Variants in ARHGAP39 observed in about 807,000 individuals in gnomAD.
ARHGAP39 encodes the protein Rho GTPase activating protein 39.
Under a neutral mutation model 106.9 loss-of-function variants are expected in ARHGAP39, and 44 were observed. The ratio of observed to expected loss-of-function variants is 0.41; its 90% CI spans 0.32 to 0.53. The LOEUF (loss-of-function observed/expected upper bound fraction) is 0.53. Ranked by LOEUF, ARHGAP39 falls within the 20% of genes least tolerant of loss-of-function variation. The pLI, the probability that ARHGAP39 is intolerant of heterozygous loss-of-function variation, is 0.21. For synonymous variants in ARHGAP39, 768 were observed against 693.2 expected (o/e 1.11, Z -1.69); for missense variants, 1,496 against 1,577.3 (o/e 0.95, Z 0.87).
At chr8:144,626,907 G>A (rs1820932547) in intron 1 of ARHGAP39, among the ~76,000 whole-genome samples, 1 of 152,200 alleles carries the variant, frequency 6.6e-6, no homozygotes, top group African/African-American at 2.4e-5. Context: ...CACTGAGGTG[G>A]GACAACAGCC....
At chr8:144,626,551 G>C (rs1820920171) in intron 1 of ARHGAP39, among the ~76,000 whole-genome samples, 1 of 131,898 alleles carries the variant, frequency 7.6e-6, no homozygotes, top group Non-Finnish European at 1.6e-5. Flanking sequence ...TGTCCCGGCG[G>C]CCCCGTTCAC....
At chr8:144,655,945 G>A (rs1821681979) in intron 1 of ARHGAP39, among the ~76,000 whole-genome samples, 1 of 152,066 alleles carries the variant, frequency 6.6e-6, no homozygotes, top group Admixed American at 6.6e-5. Flanking sequence ...AGAAGAAAGG[G>A]AACAGCATAT....
At chr8:144,649,110 C>T (rs577236941) in intron 1 of ARHGAP39, among the ~76,000 whole-genome samples, 92 of 152,180 alleles carry the variant, frequency 6.0e-4, no homozygotes, top group African/African-American at 2.2e-3. Context: ...ACTAGCTAGA[C>T]TAATAAAGAA....
At chr8:144,598,138 T>G (rs1020697217) in intron 2 of ARHGAP39, among the ~76,000 whole-genome samples, 19 of 152,278 alleles carry the variant, frequency 1.2e-4, no homozygotes, top group Non-Finnish European at 1.9e-4. Context: ...CGGCATGGCC[T>G]CGAAGGCTGG....
chr8:144,623,117 G>A (rs752316867), intron 1 of ARHGAP39, among the ~76,000 whole-genome samples: 4 of 152,212 alleles, frequency 2.6e-5, no homozygotes, highest in Non-Finnish European at 4.4e-5. Flanking sequence ...TCTTTGAATC[G>A]TTTGGAGGAG....
At chr8:144,699,693 G>T in the ARHGAP39 span, among the ~76,000 whole-genome samples, 1 of 151,754 alleles carries the variant, frequency 6.6e-6, no homozygotes, top group Non-Finnish European at 1.5e-5. Flanking sequence ...TGCGGGGCTG[G>T]GTGGGCTGGA....
chr8:144,548,457 T>C lies in ARHGAP39; in HGVS notation c.629A>G (p.Lys210Arg). 6.2e-7 allele frequency: 1 copy of C among 1,610,618 alleles called. No homozygotes were observed. Among genetic ancestry groups the C allele is most frequent in the Non-Finnish European group, 8.5e-7 (1 of 1,179,610 alleles). The change falls in exon 5 of 12, where the codon AAA (lysine) becomes AGA (arginine). Residue 210 changes from lysine (K) to arginine (R), a missense_variant. This residue lies in a region of ARHGAP39 where 905 missense variants were observed against 816.4 expected (regional missense o/e 1.11). Coordinates refer to ENST00000377307, the MANE Select transcript of ARHGAP39 (RefSeq NM_025251.3). The surrounding 1 kb of genome is among the most constrained non-coding windows in gnomAD (Gnocchi z 7.4). ...TSSLRWNSGA[K>R]ERMLIKVADR... is the part of the protein sequence containing the mutation. ...AGCGACCTTGATGAGCATGCGCTCT[T>C]TGGCGCCCGAGTTCCACCGCAGCGA...
intron 1 of ARHGAP39, among the ~76,000 whole-genome samples, chr8:144,666,646 G>A (rs752391527): frequency 9.2e-5 from 14 of 152,192 alleles, no homozygotes; most frequent in Non-Finnish European, 1.8e-4. Context: ...CGCCATGTAA[G>A]ATGTGACCTT....
chr8:144,675,101 T>C (rs1021279898), intron 1 of ARHGAP39, among the ~76,000 whole-genome samples: 1 of 152,154 alleles, frequency 6.6e-6, no homozygotes, highest in African/African-American at 2.4e-5. Context: ...CTCCTGCCTG[T>C]TCCCAGTTCC....
chr8:144,673,198 T>C (rs867612338), intron 1 of ARHGAP39, among the ~76,000 whole-genome samples: 4 of 148,500 alleles, frequency 2.7e-5, no homozygotes, highest in Middle Eastern at 3.2e-3. Context: ...GCCTGGGTGA[T>C]AGATTGAGAA....
intron 1 of ARHGAP39, among the ~76,000 whole-genome samples, chr8:144,659,647 C>A (rs1273194272): frequency 6.6e-6 from 1 of 152,166 alleles, no homozygotes; most frequent in East Asian, 1.9e-4. Flanking sequence ...ATCAGAGAAT[C>A]CCAAACAATT....
chr8:144,605,595 T>C lies in ARHGAP39; in HGVS notation c.20A>G (p.Tyr7Cys). 6.8e-6 allele frequency: 11 copies of C among 1,613,598 alleles called. No homozygotes were observed. Among genetic ancestry groups the C allele is most frequent in the Middle Eastern group, 1.6e-4 (1 of 6,062 alleles). The change falls in exon 2 of 12, where the codon TAC becomes TGC. Residue 7 changes from tyrosine to cysteine, a missense_variant. By Grantham distance (194) the Tyr-to-Cys change is radical. Coordinates refer to ENST00000377307, the MANE Select transcript of ARHGAP39 (RefSeq NM_025251.3). ...GTCGACATTATGGCTCCTGCACTCG[T>C]AGTCCTGCGTCTGGGACATCGCTGT... MSQTQD[Y>C]ECRSHNVDLP...
At chr8:144,677,462 A>T (rs1234672294) in intron 1 of ARHGAP39, among the ~76,000 whole-genome samples, 5 of 152,250 alleles carry the variant, frequency 3.3e-5, no homozygotes. Context: ...GTGATTGAAG[A>T]AAGAGATGCT....
chr8:144,602,626 G>A (rs368376658), intron 2 of ARHGAP39, among the ~76,000 whole-genome samples: 5,871 of 118,104 alleles, frequency 0.05, 315 homozygotes, highest in Non-Finnish European at 0.08. Flanking sequence ...CTGTGTGTGC[G>A]TGGAGGCGTG....
intron 7 of ARHGAP39, among the ~76,000 whole-genome samples, chr8:144,536,680 T>G (rs1247399363): frequency 6.6e-6 from 1 of 152,174 alleles, no homozygotes; most frequent in East Asian, 1.9e-4. Flanking sequence ...CAGGGACCCC[T>G]GGCACAGACC....
At chr8:144,650,517 G>C (rs879280456) in intron 1 of ARHGAP39, among the ~76,000 whole-genome samples, 6 of 152,096 alleles carry the variant, frequency 3.9e-5, no homozygotes, top group Non-Finnish European at 5.9e-5. Flanking sequence ...AAAAATACTT[G>C]CAAACTGAAT....
intron 1 of ARHGAP39, among the ~76,000 whole-genome samples, chr8:144,656,666 G>C (rs1373704051): frequency 1.3e-5 from 2 of 152,072 alleles, no homozygotes; most frequent in South Asian, 2.1e-4. Flanking sequence ...AAATTAGTCA[G>C]GCGTGGTGGC....
At chr8:144,595,822 G>C (rs1189578983) in intron 2 of ARHGAP39, among the ~76,000 whole-genome samples, 3 of 152,162 alleles carry the variant, frequency 2.0e-5, no homozygotes, top group Non-Finnish European at 2.9e-5. Context: ...GCTCCTGGCT[G>C]TACAGCCTCT....
Position 144,548,900 on chromosome 8 carries a change from G to A in ARHGAP39, c.597-411C>T, listed in dbSNP as rs1817589817. On this transcript the variant is annotated intron_variant, in intron 4 of 11. Transcript: ENST00000377307. This position sits in a 1 kb window ranked among gnomAD's most constrained non-coding sequence, Gnocchi z 7.4. The stretch of plus-strand genomic sequence containing the variant: ...TTGGACCCGTCCCAGTGGTCCAGGT[G>A]AGCCCAGCAGGAGGAAGGCACACCA... Among the ~76,000 whole-genome samples, 1 of 152,214 alleles carries A rather than the reference G, an allele frequency of 6.6e-6. No individual in the cohort carries two copies. Among genetic ancestry groups the A allele is most frequent in the South Asian group, 2.1e-4 (1 of 4,836 alleles).
Sources: gnomAD v4.1 joint callset for allele counts (sites outside exome capture counted in the v4.1 genomes callset) on GRCh38, gnomAD v4.1.1 for gene constraint, gnomAD v4.1.1 regional missense constraint, Gnocchi (gnomAD v3.1) non-coding constraint, MANE v1.5 for transcripts, NCBI Gene and HGNC (gene_info 2026-07-23, HGNC 2026-07-21) for gene names.